The following PFKP variants were observed in gnomAD, a reference collection of about 807,000 sequenced individuals.
PFKP encodes the protein ATP-dependent 6-phosphofructokinase, platelet type.
A neutral mutation model predicts 94.3 loss-of-function variants in PFKP; 101 were observed. The ratio of observed to expected loss-of-function variants is 1.07; its 90% CI spans 0.91 to 1.26. The LOEUF (loss-of-function observed/expected upper bound fraction) is 1.26. Ranked by LOEUF, PFKP falls within the 50% of genes most tolerant of loss-of-function variation. The probability of loss-of-function intolerance (pLI) is 0.00; values close to 1 mark genes in which losing one functional copy is unlikely to be tolerated. For missense variants in PFKP, 1,145 were observed against 1,103.3 expected, an observed-to-expected ratio of 1.04 and a Z score of -0.53; for synonymous variants, 573 against 432.6, an observed-to-expected ratio of 1.32 and a Z score of -4.03.
At chr10:3,099,826 A>ATG (rs1834803688) in intron 3 of PFKP, among the ~76,000 whole-genome samples, 1 of 151,552 alleles carries the variant, frequency 6.6e-6, no homozygotes, top group South Asian at 2.1e-4. Flanking sequence ...TGAAGTGCGT[A>ATG]TGTGTATCAG....
At chr10:3,086,099 G>A (rs1266097594) in intron 2 of PFKP, among the ~76,000 whole-genome samples, 1 of 152,120 alleles carries the variant, frequency 6.6e-6, no homozygotes. Flanking sequence ...GTTTGGGGAT[G>A]GAGTATCCTG....
At chr10:3,136,198 G>C (rs1488252383) in intron 21 of PFKP, among the ~76,000 whole-genome samples, 1 of 152,220 alleles carries the variant, frequency 6.6e-6, no homozygotes, top group East Asian at 1.9e-4. Context: ...CCGGGAGGCA[G>C]AGGTTGCAGT....
chr10:3,110,009 A>G (rs1263828268), intron 10 of PFKP, among the ~76,000 whole-genome samples: 1 of 152,040 alleles, frequency 6.6e-6, no homozygotes, highest in Non-Finnish European at 1.5e-5. Context: ...CTGTCCTCCT[A>G]TCCCCAAGGA....
chr10:3,107,919 G>T (rs1564312350), intron 8 of PFKP: 1 of 1,289,648 alleles, frequency 7.8e-7, no homozygotes. Context: ...CGGGGCTGGG[G>T]ATGGGCTGTG....
chr10:3,107,139 C>A, intron 7 of PFKP, 75 bp from the exon 8 acceptor site: 2 of 911,208 alleles, frequency 2.2e-6, no homozygotes, highest in Non-Finnish European at 3.6e-6. Flanking sequence ...TTGAGACAGA[C>A]TTCTGTGGTT....
intron 10 of PFKP, among the ~76,000 whole-genome samples, chr10:3,111,052 G>A (rs1329598002): frequency 6.6e-6 from 1 of 151,812 alleles, no homozygotes; most frequent in Non-Finnish European, 1.5e-5. Flanking sequence ...TTATATGCAT[G>A]TGTATATATG....
At chr10:3,129,164 C>T (rs1414602731) in intron 16 of PFKP, 1 of 152,188 alleles carries the variant, frequency 6.6e-6, no homozygotes, top group African/African-American at 2.4e-5. Flanking sequence ...CCATTTTTCT[C>T]CCCGCCGAGC....
intron 1 of PFKP, among the ~76,000 whole-genome samples, chr10:3,081,163 C>T (rs1833042003): frequency 1.3e-5 from 2 of 152,152 alleles, no homozygotes; most frequent in Non-Finnish European, 2.9e-5. Context: ...AAATATGTAT[C>T]CCCAAGGTTT....
chr10:3,112,162 C>A, intron 10 of PFKP, 60 bp from the exon 11 acceptor site: 1 of 1,352,222 alleles, frequency 7.4e-7, no homozygotes, highest in Non-Finnish European at 1.1e-6. Flanking sequence ...TCTACCTACC[C>A]CATCCATGAT....
At chr10:3,107,867 A>T in intron 8 of PFKP, 1 of 1,288,068 alleles carries the variant, frequency 7.8e-7, no homozygotes, top group Non-Finnish European at 1.0e-6. Context: ...GGACTCTGAT[A>T]CCATGGGCTG....
intron 16 of PFKP, 26 bp from the exon 17 acceptor site, chr10:3,129,793 G>A (rs758641905): frequency 1.2e-6 from 2 of 1,612,216 alleles, no homozygotes; most frequent in Non-Finnish European, 1.7e-6. Flanking sequence ...CTGGGCTGGA[G>A]TGACTGATCG....
chr10:3,112,142 C>G (rs920711012), intron 10 of PFKP, 80 bp from the exon 11 acceptor site: 1 of 1,166,166 alleles, frequency 8.6e-7, no homozygotes, highest in Non-Finnish European at 1.3e-6. Context: ...TGGGAAGGAC[C>G]GAGCCAGTCT....
chr10:3,132,213 C>T (rs1205943225), intron 17 of PFKP, among the ~76,000 whole-genome samples, 167 bp from the exon 18 acceptor site: 1 of 152,206 alleles, frequency 6.6e-6, no homozygotes, highest in South Asian at 2.1e-4. Context: ...CAGACGTGTC[C>T]TCCCTATCTG....
chr10:3,082,344 T>A lies in PFKP; in HGVS notation c.113-44T>A, dbSNP rs560663538. On this transcript the variant is annotated intron_variant, in intron 1 of 21. Transcript: ENST00000381125. ...GGGTAGTTAGTGGCAGAGCCAGAAT[T>A]ACCCCGGGCTCTTCAGTGACTCTTG... is the stretch of plus-strand genomic sequence containing the variant. 6.8e-6 allele frequency: 10 copies of A among 1,480,864 alleles called. 1 individual carries two copies. The South Asian group carries it at 9.8e-5, about 15-fold the overall frequency. The allele number at this position is 1,480,864 out of a possible 1,614,324, so 91.7% of individuals were successfully genotyped here.
chr10:3,133,095 A>C (rs1257198221), intron 18 of PFKP, 108 bp from the exon 19 acceptor site: 2 of 776,430 alleles, frequency 2.6e-6, no homozygotes, highest in African/African-American at 3.4e-5. Context: ...TAGAATCACC[A>C]TAGGGTTGGG....
In PFKP at chr10:3,093,638, C is replaced by CTTTTTTTTTTTTTTTTTTTT. The variant is rs765547765; in HGVS notation, c.187-5633_187-5614dup. ...CGATAACCACAGGAACAAGCATTAT[C>CTTTTTTTTTTTTTTTTTTTT]TTTTTTTTTTTTTTTTTTTTTTTGA... On this transcript the variant is annotated intron_variant, in intron 2 of 21. Coordinates refer to ENST00000381125, the MANE Select transcript of PFKP (RefSeq NM_002627.5). Among the ~76,000 whole-genome samples, 9 of 94,060 alleles carry CTTTTTTTTTTTTTTTTTTTT rather than the reference C, an allele frequency of 9.6e-5. 1 individual carries two copies. Among genetic ancestry groups the CTTTTTTTTTTTTTTTTTTTT allele is most frequent in the African/African-American group, 3.8e-4 (8 of 21,254 alleles). The allele number at this position is 94,060 out of a possible 152,430, so 61.7% of individuals were successfully genotyped here. A position where few individuals can be genotyped will look rare whatever the true frequency, so the allele number is the denominator to read the frequency against.
chr10:3,133,435 C>T lies in PFKP; in HGVS notation c.2022+121C>T. 6 of 724,286 alleles carry T rather than the reference C, an allele frequency of 8.3e-6. No individual in the cohort carries two copies. In the South Asian group the frequency reaches 9.1e-5, roughly 11 times the overall value. The allele number at this position is 724,286 out of a possible 1,614,324, so 44.9% of individuals were successfully genotyped here. ...AAGTAAATTCCAAGATGATAAAAAA[C>T]ATCTGAACTTTTTGAGACAGAGTCT... On this transcript the variant is annotated intron_variant, in intron 19 of 21. Transcript: ENST00000381125.
At position 3,136,534 on chromosome 10, in the gene PFKP, G is replaced by C. The variant is rs751008503; in HGVS notation, c.2310G>C (p.Val770=). 4 of 1,613,688 alleles carry C rather than the reference G, an allele frequency of 2.5e-6. No homozygotes were observed. In the South Asian group the frequency reaches 4.4e-5, roughly 18 times the overall value. ...CCAAGTACAAGGCCAGCTATGACGT[G>C]TCGGACTCAGGCCAGCTGGAACATG... The part of the protein sequence containing the change: ...ILAKYKASYD[V]SDSGQLEHVQ... Residue 770 remains valine, a synonymous_variant, in exon 22 of 22, where the codon GTG becomes GTC. Coordinates refer to ENST00000381125, the MANE Select transcript of PFKP (RefSeq NM_002627.5).
intron 1 of PFKP, among the ~76,000 whole-genome samples, chr10:3,079,574 C>G (rs72778562): frequency 0.066 from 9,874 of 149,112 alleles, 481 homozygotes; most frequent in South Asian, 0.095. Context: ...TCTTCTATGT[C>G]TTTCCACTTA....
Sources: allele counts gnomAD v4.1 joint callset (sites outside exome capture counted in the v4.1 genomes callset), GRCh38; gene constraint gnomAD v4.1.1; transcripts MANE v1.5; gene names NCBI Gene and HGNC (gene_info 2026-07-23, HGNC 2026-07-21).